NCEH1: variants seen among roughly 807,000 people sequenced by gnomAD.
NCEH1 encodes the protein neutral cholesterol ester hydrolase 1, also known as 2-acetyl MAGE hydrolase.
A neutral mutation model predicts 25.4 loss-of-function variants in NCEH1; 9 were observed. That is an observed-to-expected ratio of 0.35 (90% CI 0.21 to 0.62). The LOEUF is 0.62. Among genes scored for constraint, NCEH1 ranks in the 20% least tolerant of loss-of-function variants. NCEH1 has a pLI of 0.72. For missense variants in NCEH1, 412 were observed against 501.1 expected (o/e 0.82, Z 1.70); for synonymous variants, 200 against 199.8 (o/e 1.00, Z -0.01).
At chr3:172,696,185 T>A (rs1429608064) in intron 1 of NCEH1, among the ~76,000 whole-genome samples, 1 of 152,148 alleles carries the variant, frequency 6.6e-6, no homozygotes, top group Non-Finnish European at 1.5e-5. Context: ...ATCTTCATGT[T>A]CACAGATAAG....
At chr3:172,686,696 AG>A (rs1215297245) in intron 1 of NCEH1, among the ~76,000 whole-genome samples, 2 of 152,230 alleles carry the variant, frequency 1.3e-5, no homozygotes, top group Non-Finnish European at 2.9e-5. Flanking sequence ...TTTATGCAAA[AG>A]TGGCGGGTGA....
At chr3:172,657,056 G>A (rs1717730546) in intron 1 of NCEH1, among the ~76,000 whole-genome samples, 1 of 151,842 alleles carries the variant, frequency 6.6e-6, no homozygotes, top group South Asian at 2.1e-4. Context: ...TTTATTGATT[G>A]GTTCTTACAC....
chr3:172,653,760 G>GTTTTTTTTTTTTTTTTT (rs780425751), intron 1 of NCEH1, among the ~76,000 whole-genome samples: 1 of 54,418 alleles, frequency 1.8e-5, no homozygotes, highest in Non-Finnish European at 4.2e-5. Context: ...TTGTTTTTTT[G>GTTTTTTTTTTTTTTTTT]TTTTTTTTTT....
intron 1 of NCEH1, among the ~76,000 whole-genome samples, chr3:172,700,161 G>A (rs994179783): frequency 6.6e-6 from 1 of 152,160 alleles, no homozygotes; most frequent in Non-Finnish European, 1.5e-5. Context: ...TAACTATACA[G>A]AGTTGAATAA....
intron 1 of NCEH1, among the ~76,000 whole-genome samples, chr3:172,693,489 A>T (rs902428596): frequency 6.6e-6 from 1 of 151,776 alleles, no homozygotes; most frequent in African/African-American, 2.4e-5. Flanking sequence ...GGGGGTGGTT[A>T]GAGTTGGGGA....
intron 1 of NCEH1, among the ~76,000 whole-genome samples, chr3:172,689,425 T>C (rs1217100832): frequency 1.3e-5 from 2 of 151,370 alleles, no homozygotes; most frequent in Non-Finnish European, 2.9e-5. Context: ...TTTTGTAGTT[T>C]TAGTAGAGAC....
chr3:172,651,990 G>C (rs978944035), intron 1 of NCEH1, among the ~76,000 whole-genome samples: 1 of 152,192 alleles, frequency 6.6e-6, no homozygotes, highest in African/African-American at 2.4e-5. Context: ...GGAAATGAGG[G>C]CTGTATAGAT....
At chr3:172,687,978 A>C (rs1483743297) in intron 1 of NCEH1, among the ~76,000 whole-genome samples, 3 of 152,212 alleles carry the variant, frequency 2.0e-5, no homozygotes, top group African/African-American at 7.2e-5. Context: ...TTGATTGTTC[A>C]GTTTTATTTT....
At chr3:172,647,446 C>T (rs1037438249) in intron 2 of NCEH1, among the ~76,000 whole-genome samples, 1 of 152,160 alleles carries the variant, frequency 6.6e-6, no homozygotes, top group Non-Finnish European at 1.5e-5. Context: ...TTAAGGAATA[C>T]CTGGTCTATT....
At position 172,653,735 on chromosome 3, in the gene NCEH1, G is replaced by GTTTTTTTTTTTTTTTTTTTTTTTTT. The variant is rs1553830302; in HGVS notation, c.139-5622_139-5621insAAAAAAAAAAAAAAAAAAAAAAAAA. ...TTGTTTTTGTTGTTGTTGTTGTTCTGTTTTTTTTGTTTTTTTGTTTTTTTG... is the reference window on the plus strand; with the variant it reads ...TTGTTTTTGTTGTTGTTGTTGTTCTGTTTTTTTTTTTTTTTTTTTTTTTTTTTTTTTTTGTTTTTTTGTTTTTTTG... On this transcript the variant is annotated intron_variant, in intron 1 of 4. Transcript: ENST00000475381. Among the ~76,000 whole-genome samples the GTTTTTTTTTTTTTTTTTTTTTTTTT allele has an allele frequency of 1.3e-4, 9 of 71,020 alleles. 2 individuals are homozygous for GTTTTTTTTTTTTTTTTTTTTTTTTT. The highest frequency in any genetic ancestry group is 4.6e-4 in the African/African-American group (9 of 19,714). The allele number at this position is 71,020 out of a possible 152,430, so 46.6% of individuals were successfully genotyped here.
chr3:172,664,426 C>T (rs1718110907), intron 1 of NCEH1, among the ~76,000 whole-genome samples: 1 of 152,166 alleles, frequency 6.6e-6, no homozygotes, highest in Non-Finnish European at 1.5e-5. Context: ...GTGAATCTGA[C>T]AATTATGTGT....
chr3:172,652,794 G>A (rs926508438), intron 1 of NCEH1, among the ~76,000 whole-genome samples: 2 of 151,936 alleles, frequency 1.3e-5, no homozygotes, highest in African/African-American at 4.8e-5. Context: ...CTCCCTGGTT[G>A]AAGCGATTCT....
rs1022045719 is a variant in NCEH1, at chr3:172,708,627, G to T, written c.138+2220C>A. ...CCGCCTCGGCCTCCCAAAGTGCTGG[G>T]ATTACAGCGTGAGCCACCGCCCCAG... On this transcript the variant is annotated intron_variant, in intron 1 of 4. Transcript: ENST00000475381. Among the ~76,000 whole-genome samples the T allele has an allele frequency of 2.0e-5, 3 of 152,218 alleles. No individual in the cohort carries two copies. In the East Asian group the frequency reaches 5.8e-4, roughly 29 times the overall value.
intron 1 of NCEH1, among the ~76,000 whole-genome samples, chr3:172,694,228 T>C (rs1713231357): frequency 6.6e-6 from 1 of 152,212 alleles, no homozygotes; most frequent in African/African-American, 2.4e-5. Context: ...TAATCTAAAA[T>C]GGACTAAATT....
chr3:172,689,500 G>T (rs962386014), intron 1 of NCEH1, among the ~76,000 whole-genome samples: 6 of 151,512 alleles, frequency 4.0e-5, no homozygotes, highest in African/African-American at 7.3e-5. Flanking sequence ...ACCCGACTCG[G>T]CCTCCCAAAG....
intron 1 of NCEH1, among the ~76,000 whole-genome samples, chr3:172,670,834 C>G (rs75206739): frequency 6.6e-6 from 1 of 151,902 alleles, no homozygotes; most frequent in Non-Finnish European, 1.5e-5. Context: ...GAACCAAAAA[C>G]CTATTTTATG....
rs1717835335 is a variant in NCEH1 at position 172,658,900 on chromosome 3, T to C, written c.139-10786A>G. ...CAACACAGAAAACAAGTAGTTTCCA[T>C]ATTGCCAAAATACTGGCTTAGCTCC... is the stretch of plus-strand genomic sequence containing the variant. On this transcript the variant is annotated intron_variant, in intron 1 of 4. Transcript: ENST00000475381. 3.4e-5 allele frequency among the ~76,000 whole-genome samples: 5 copies of C among 145,936 alleles called. No homozygotes were observed. In the South Asian group the frequency reaches 1.1e-3, roughly 33 times the overall value.
intron 1 of NCEH1, among the ~76,000 whole-genome samples, chr3:172,704,142 T>C (rs1713848536): frequency 6.6e-6 from 1 of 152,228 alleles, no homozygotes; most frequent in South Asian, 2.1e-4. Context: ...AGCTGAGCTG[T>C]CATTTAAACC....
intron 1 of NCEH1, among the ~76,000 whole-genome samples, chr3:172,674,872 T>C (rs1711863850): frequency 6.6e-6 from 1 of 152,248 alleles, no homozygotes; most frequent in Admixed American, 6.5e-5. Context: ...GTTTTACTTA[T>C]AGCAGGAGTA....
Sources: allele counts gnomAD v4.1 joint callset (sites outside exome capture counted in the v4.1 genomes callset), GRCh38; gene constraint gnomAD v4.1.1; transcripts MANE v1.5; gene names NCBI Gene and HGNC (gene_info 2026-07-23, HGNC 2026-07-21).